Variants in SMAD3 observed in about 807,000 individuals in gnomAD.
The protein encoded by SMAD3 is SMAD family member 3, also known as MAD homolog 3.
A neutral mutation model predicts 51.8 loss-of-function variants in SMAD3; 12 were observed. The observed-to-expected ratio is 0.23, with a 90% confidence interval of 0.15 to 0.38. The LOEUF (loss-of-function observed/expected upper bound fraction) is 0.38. Ranked by LOEUF, SMAD3 falls within the 10% of genes least tolerant of loss-of-function variation. The probability of loss-of-function intolerance (pLI) is 1.00; values close to 1 mark genes in which losing one functional copy is unlikely to be tolerated. For missense variants in SMAD3, 294 were observed against 565.6 expected (o/e 0.52, Z 4.87); for synonymous variants, 238 against 227.7 (o/e 1.05, Z -0.41).
At chr15:67,174,668 TCA>T (rs36092880) in intron 5 of SMAD3, 3 of 144,206 alleles carry the variant, frequency 2.1e-5, no homozygotes, top group Admixed American at 6.9e-5. Flanking sequence ...TTGTGCTGAC[TCA>T]CAGTCAGTGC....
intron 1 of SMAD3, among the ~76,000 whole-genome samples, chr15:67,134,691 G>A (rs537035761): frequency 1.4e-4 from 21 of 152,268 alleles, no homozygotes; most frequent in Non-Finnish European, 2.5e-4. Flanking sequence ...TACTAAAGGC[G>A]CGACTCTGGC....
At chr15:67,163,787 A>G (rs1367432230) in intron 1 of SMAD3, among the ~76,000 whole-genome samples, 3 of 151,960 alleles carry the variant, frequency 2.0e-5, no homozygotes, top group Non-Finnish European at 2.9e-5. Context: ...GCACTGGCCA[A>G]TTGTAAGTAG....
At chr15:67,127,866 G>A (rs1961429834) in intron 1 of SMAD3, among the ~76,000 whole-genome samples, 1 of 152,228 alleles carries the variant, frequency 6.6e-6, no homozygotes, top group Non-Finnish European at 1.5e-5. Flanking sequence ...GCTGAAAGTG[G>A]TAGGGAGACT....
intron 7 of SMAD3, among the ~76,000 whole-genome samples, chr15:67,186,356 A>G (rs1963222365): frequency 6.6e-6 from 1 of 152,160 alleles, no homozygotes; most frequent in African/African-American, 2.4e-5. Flanking sequence ...CCCCACCCCC[A>G]TCTTTTGGGT....
At chr15:67,151,297 A>G (rs1176891584) in intron 1 of SMAD3, among the ~76,000 whole-genome samples, 2 of 151,848 alleles carry the variant, frequency 1.3e-5, no homozygotes, top group African/African-American at 4.8e-5. Context: ...CACAGTCTCC[A>G]ATAGCTCTTT....
Position 67,066,367 on chromosome 15 carries a change from G to A in SMAD3, c.206+7G>A. On this transcript the variant is annotated splice_region_variant and intron_variant, in intron 1 of 8. Coordinates refer to ENST00000327367, the MANE Select transcript of SMAD3 (RefSeq NM_005902.4). ...AGTGCATCACCATCCCCAGGTGGGG[G>A]CCCGCCCGGGGGGGACCCGGGGTCA... is the stretch of plus-strand genomic sequence containing the variant. The A allele has an allele frequency of 1.2e-6, 2 of 1,609,944 alleles. No homozygotes were observed. The highest frequency in any genetic ancestry group is 1.7e-6 in the Non-Finnish European group (2 of 1,177,838).
At chr15:67,122,933 C>G (rs1454854583) in intron 1 of SMAD3, among the ~76,000 whole-genome samples, 3 of 152,162 alleles carry the variant, frequency 2.0e-5, no homozygotes. Context: ...TGCCTGTAAT[C>G]CCAGTACTTT....
At chr15:67,106,234 C>T (rs1960874969) in intron 1 of SMAD3, among the ~76,000 whole-genome samples, 1 of 152,210 alleles carries the variant, frequency 6.6e-6, no homozygotes, top group African/African-American at 2.4e-5. Flanking sequence ...TCTGTCATAT[C>T]TGCTGAAAAT....
At chr15:67,162,203 G>A (rs1962450058) in intron 1 of SMAD3, among the ~76,000 whole-genome samples, 1 of 152,122 alleles carries the variant, frequency 6.6e-6, no homozygotes, top group African/African-American at 2.4e-5. Context: ...GTGGCATCTG[G>A]CCAGCCCTTC....
At chr15:67,114,767 A>G (rs1330699468) in intron 1 of SMAD3, among the ~76,000 whole-genome samples, 1 of 152,042 alleles carries the variant, frequency 6.6e-6, no homozygotes, top group Non-Finnish European at 1.5e-5. Flanking sequence ...CATTCTTTCT[A>G]TTTTGGGTAC....
intron 1 of SMAD3, chr15:67,128,243 T>A (rs1961439037): frequency 6.6e-6 from 1 of 152,212 alleles, no homozygotes; most frequent in Non-Finnish European, 1.5e-5. Context: ...CTAAGATGTG[T>A]AAGATTTAGA....
chr15:67,088,667 C>T (rs1157080189), intron 1 of SMAD3, among the ~76,000 whole-genome samples: 2 of 152,144 alleles, frequency 1.3e-5, no homozygotes, highest in South Asian at 4.1e-4. Flanking sequence ...CGGTGGCTCA[C>T]GCCTGTAATC....
chr15:67,184,602 C>T, intron 6 of SMAD3, 125 bp from the exon 7 acceptor site: 2 of 1,221,018 alleles, frequency 1.6e-6, no homozygotes, highest in Non-Finnish European at 2.4e-6. Flanking sequence ...GCCCGTTTGC[C>T]TGGGGAAGCT....
intron 1 of SMAD3, among the ~76,000 whole-genome samples, chr15:67,144,624 G>A (rs1271820038): frequency 6.6e-6 from 1 of 152,218 alleles, no homozygotes; most frequent in African/African-American, 2.4e-5. Context: ...GTCCTAGCCA[G>A]TGGTTGATGT....
Position 67,194,870 on chromosome 15 carries a change from GCCTTCACTCA to G in SMAD3, c.*4343_*4352del. 1 of 233,464 alleles carries G rather than the reference GCCTTCACTCA, an allele frequency of 4.3e-6. No individual in the cohort carries two copies. Among genetic ancestry groups the G allele is most frequent in the Non-Finnish European group, 8.5e-6 (1 of 117,784 alleles). The allele number at this position is 233,464 out of a possible 1,614,324, so 14.5% of individuals were successfully genotyped here. The stretch of plus-strand genomic sequence containing the variant: ...AGAGATGGAGCCATCTATCCAAGAA[GCCTTCACTCA>G]CCTTCACTGCTGCTGTTGCAACTCG... On this transcript the variant is annotated 3_prime_UTR_variant, in exon 9 of 9. Transcript: ENST00000327367.
intron 1 of SMAD3, chr15:67,098,973 C>T: frequency 1.4e-6 from 1 of 702,420 alleles, no homozygotes; most frequent in East Asian, 2.7e-5. Flanking sequence ...CAAATGTGGA[C>T]TTTTGCCCCA....
chr15:67,165,161 C>G (rs1962545607), intron 2 of SMAD3, 73 bp downstream of exon 2: 2 of 1,611,780 alleles, frequency 1.2e-6, no homozygotes, highest in South Asian at 2.2e-5. Flanking sequence ...CCCCATCCCC[C>G]CGAGGGTCTG....
At chr15:67,093,813 G>A (rs889127884) in intron 1 of SMAD3, among the ~76,000 whole-genome samples, 4 of 152,220 alleles carry the variant, frequency 2.6e-5, no homozygotes, top group African/African-American at 7.2e-5. Context: ...TCTTGCCTCT[G>A]GCAGCACCTA....
At chr15:67,110,069 A>G (rs1766444225) in intron 1 of SMAD3, among the ~76,000 whole-genome samples, 5 of 152,242 alleles carry the variant, frequency 3.3e-5, no homozygotes, top group Admixed American at 3.3e-4. Flanking sequence ...TGAAACCAGC[A>G]GGTTTCCTTT....
Sources: gnomAD v4.1 joint callset for allele counts (sites outside exome capture counted in the v4.1 genomes callset) on GRCh38, gnomAD v4.1.1 for gene constraint, MANE v1.5 for transcripts, NCBI Gene and HGNC (gene_info 2026-07-23, HGNC 2026-07-21) for gene names.